Variants in BCAR1 observed in about 807,000 individuals in gnomAD.
BCAR1 encodes breast cancer anti-estrogen resistance protein 1.
A neutral mutation model predicts 67.6 loss-of-function variants in BCAR1; 30 were observed. The observed-to-expected ratio is 0.44, with a 90% CI of 0.33 to 0.60. BCAR1 has a LOEUF of 0.60. BCAR1 is among the 20% of genes least tolerant of loss of function. The pLI is 0.02. For missense variants in BCAR1, 1,313 were observed against 1,222.3 expected (o/e 1.07, Z -1.11); for synonymous variants, 626 against 556.7 (o/e 1.12, Z -1.75).
chr16:75,239,822 G>T (rs1198986716), intron 2 of BCAR1, among the ~76,000 whole-genome samples: 1 of 152,186 alleles, frequency 6.6e-6, no homozygotes, highest in East Asian at 1.9e-4. Context: ...CCCAGCACAG[G>T]GGAGCCTGGG....
At chr16:75,259,767 G>A (rs942374072) in intron 1 of BCAR1, among the ~76,000 whole-genome samples, 95 of 145,792 alleles carry the variant, frequency 6.5e-4, no homozygotes, top group Non-Finnish European at 9.8e-4. Context: ...CAGGAGAATC[G>A]CTTGAACCTA....
Position 75,235,677 on chromosome 16 carries a change from C to A in BCAR1, c.1222G>T (p.Gly408Cys), listed in dbSNP as rs748959110. The A allele has an allele frequency of 6.2e-7, 1 of 1,611,786 alleles. No homozygotes were observed. The highest frequency in any genetic ancestry group is 8.5e-7 in the Non-Finnish European group (1 of 1,178,966). The change falls in exon 5 of 7, where the codon GGT (glycine) becomes TGT (cysteine). Residue 408 changes from glycine to cysteine, a missense_variant. By Grantham distance (159) the Gly-to-Cys change is radical. Transcript: ENST00000162330. ...GCTGGGGGAGGCACCGCATACACACCACTGTCGACCACGCCACCATCAGCC... is the reference window on the plus strand; with the variant it reads ...GCTGGGGGAGGCACCGCATACACACAACTGTCGACCACGCCACCATCAGCC... ...EVADGGVVDS[G>C]VYAVPPPAER... is the part of the protein sequence containing the mutation.
At position 75,229,641 on chromosome 16, in the gene BCAR1, G is replaced by A. The variant is rs148609253; in HGVS notation, c.2483C>T (p.Ala828Val). Residue 828 changes from alanine (A) to valine (V), a missense_variant, in exon 7 of 7, where the codon GCC becomes GTC. Physicochemically the swap from Ala to Val is moderately conservative, Grantham distance 64. This residue lies in a region of BCAR1 where 1,272 missense variants were observed against 1,137.5 expected (regional missense o/e 1.12). Coordinates refer to ENST00000162330, the MANE Select transcript of BCAR1 (RefSeq NM_014567.5). ...LLCDLLRGIV[A>V]TTKAAALQYP... Reference sequence around the variant, plus strand: ...CTGCAAGGCAGCGGCCTTGGTGGTGGCCACGATGCCGCGCAGGAGGTCGCA... The same window carrying A: ...CTGCAAGGCAGCGGCCTTGGTGGTGACCACGATGCCGCGCAGGAGGTCGCA... The A allele has an allele frequency of 2.5e-6, 4 of 1,612,544 alleles. No individual in the cohort carries two copies. Among genetic ancestry groups the A allele is most frequent in the South Asian group, 2.2e-5 (2 of 91,056 alleles).
At chr16:75,240,920 G>T (rs181775956) in intron 2 of BCAR1, among the ~76,000 whole-genome samples, 2 of 152,228 alleles carry the variant, frequency 1.3e-5, no homozygotes, top group African/African-American at 4.8e-5. Flanking sequence ...ACACAGCCTC[G>T]AGGCCGGGCT....
chr16:75,257,796 G>A (rs2077814629), intron 1 of BCAR1, among the ~76,000 whole-genome samples: 2 of 152,180 alleles, frequency 1.3e-5, no homozygotes, highest in Non-Finnish European at 1.5e-5. Flanking sequence ...ACAGCATCGT[G>A]GGGCTAGGCT....
chr16:75,236,555 C>T (rs2077142627), intron 4 of BCAR1: 8 of 440,476 alleles, frequency 1.8e-5, no homozygotes, highest in Admixed American at 4.0e-5. Context: ...GCTGGTTTGT[C>T]CCTGATGCCC....
In BCAR1 at chr16:75,242,483, T is replaced by G. The variant is rs377329349; in HGVS notation, c.620A>C (p.Lys207Thr). 1 of 1,455,038 alleles carries G rather than the reference T, an allele frequency of 6.9e-7. No individual in the cohort carries two copies. The highest frequency in any genetic ancestry group is 1.4e-5 in the African/African-American group (1 of 69,448). The allele number at this position is 1,455,038 out of a possible 1,614,324, so 90.1% of individuals were successfully genotyped here. A position where few individuals can be genotyped will look rare whatever the true frequency, so the allele number is the denominator to read the frequency against. ...GGACAGCCTTACCTTTGCCGGGGGC[T>G]TCGTGCCCTCCCAGCTGCGTGTGTC... is the stretch of plus-strand genomic sequence containing the variant. ...SMDTRSWEGT[K>T]PPAKVVVPTR... Residue 207 changes from lysine to threonine, a missense_variant, in exon 2 of 7, where the codon AAG becomes ACG. This residue lies in a region of BCAR1 where 1,272 missense variants were observed against 1,137.5 expected (regional missense o/e 1.12). Transcript: ENST00000162330.
Position 75,235,367 on chromosome 16 carries a change from A to T in BCAR1, c.1532T>A (p.Val511Asp), listed in dbSNP as rs2077073889. Residue 511 changes from valine to aspartate, a missense_variant, in exon 5 of 7, where the codon GTC becomes GAC. Val to Asp is a radical substitution (Grantham distance 152). Transcript: ENST00000162330. Reference protein sequence around the residue: ...VQDLQAAVAAVQSAVHELLEF... With the variant: ...VQDLQAAVAADQSAVHELLEF... Reference sequence around the variant, plus strand: ...CAACAGCTCGTGGACGGCACTCTGGACAGCGGCCACAGCAGCCTGCAGGTC... The same window carrying T: ...CAACAGCTCGTGGACGGCACTCTGGTCAGCGGCCACAGCAGCCTGCAGGTC... The T allele has an allele frequency of 6.2e-7, 1 of 1,601,248 alleles. No individual in the cohort carries two copies. Among genetic ancestry groups the T allele is most frequent in the African/African-American group, 1.3e-5 (1 of 74,760 alleles).
At chr16:75,231,031 T>G (rs554169487) in intron 6 of BCAR1, among the ~76,000 whole-genome samples, 11 of 128,750 alleles carry the variant, frequency 8.5e-5, no homozygotes, top group Middle Eastern at 3.7e-3. Flanking sequence ...CTTTGTGGGG[T>G]TTTTTTTTTT....
chr16:75,263,470 G>A, intron 1 of BCAR1: 1 of 985,402 alleles, frequency 1.0e-6, no homozygotes, highest in Non-Finnish European at 1.2e-6. Context: ...CTGGAGCAGA[G>A]GAAGGGGCAC....
rs759267759 is a variant in BCAR1, at chr16:75,235,138, G to A, written c.1761C>T (p.Pro587=). 2.0e-5 allele frequency: 32 copies of A among 1,609,380 alleles called. No individual in the cohort carries two copies. In the East Asian group the frequency reaches 3.6e-4, roughly 18 times the overall value. ...DRLVACSRAV[P]EDAKQLASFL... Reference sequence around the variant, plus strand: ...AGGAGGCCAGCTGCTTGGCGTCCTCGGGCACAGCCCGCGAGCAGGCCACCA... The same window carrying A: ...AGGAGGCCAGCTGCTTGGCGTCCTCAGGCACAGCCCGCGAGCAGGCCACCA... Residue 587 remains proline (P), a synonymous_variant, in exon 5 of 7, where the codon CCC becomes CCT. Transcript: ENST00000162330.
intron 3 of BCAR1, 61 bp from the exon 4 acceptor site, chr16:75,237,059 G>A (rs2077165935): frequency 3.9e-6 from 6 of 1,537,890 alleles, no homozygotes; most frequent in African/African-American, 2.7e-5. Context: ...TAGGAAAGGT[G>A]GGAACCCCGC....
rs1170527160 is a variant in BCAR1 at position 75,251,457 on chromosome 16, C to G, written c.12+14G>C. 2 of 1,455,622 alleles carry G rather than the reference C, an allele frequency of 1.4e-6. No homozygotes were observed. The highest frequency in any genetic ancestry group is 6.1e-5 in the East Asian group (2 of 32,672). 90.2% of individuals were successfully genotyped at this position (1,455,622 alleles called of 1,614,324 possible). A position where few individuals can be genotyped will look rare whatever the true frequency, so the allele number is the denominator to read the frequency against. ...CAAGCCCGTACGCGGCCCGGCCCCA[C>G]CTGGCGCCCTCACCAGGTGGTTCAT... On this transcript the variant is annotated intron_variant, in intron 1 of 6. Transcript: ENST00000162330.
At chr16:75,241,071 T>C (rs572556503) in intron 2 of BCAR1, among the ~76,000 whole-genome samples, 1 of 152,268 alleles carries the variant, frequency 6.6e-6, no homozygotes, top group East Asian at 1.9e-4. Context: ...TGTGTGCGTG[T>C]GCATACGCAC....
chr16:75,265,490 G>C (rs1054370651), intron 1 of BCAR1, among the ~76,000 whole-genome samples: 2 of 152,114 alleles, frequency 1.3e-5, no homozygotes, highest in African/African-American at 4.8e-5. Context: ...GTCCTGGCGG[G>C]CAACAGACTC....
chr16:75,242,227 C>T (rs1178797458), intron 2 of BCAR1, among the ~76,000 whole-genome samples: 1 of 152,258 alleles, frequency 6.6e-6, no homozygotes, highest in Non-Finnish European at 1.5e-5. Flanking sequence ...TGGTTGGTGA[C>T]ACCACCACTC....
upstream of BCAR1, among the ~76,000 whole-genome samples, chr16:75,255,748 T>C (rs192454209): frequency 1.9e-3 from 288 of 151,296 alleles, 2 homozygotes; most frequent in African/African-American, 6.4e-3. Context: ...TCCCAGCACT[T>C]TGGGAGGCCA....
rs2077328065 is a variant in BCAR1 at position 75,241,218 on chromosome 16, G to A, written c.633+1252C>T. 3.9e-5 allele frequency among the ~76,000 whole-genome samples: 6 copies of A among 152,222 alleles called. No homozygotes were observed. In the South Asian group the frequency reaches 1.2e-3, roughly 31 times the overall value. On this transcript the variant is annotated intron_variant, in intron 2 of 6. Transcript: ENST00000162330. ...TGGGTGTGTGCGTGTTCATGCATAT[G>A]ATGTGCGCATGTGTGGGCGTATACG...
At chr16:75,257,193 C>T (rs1301873452) in intron 1 of BCAR1, among the ~76,000 whole-genome samples, 1 of 152,172 alleles carries the variant, frequency 6.6e-6, no homozygotes, top group Non-Finnish European at 1.5e-5. Context: ...CCCAACCCAG[C>T]CCAGCCATCT....
Sources: gnomAD v4.1 joint callset for allele counts (sites outside exome capture counted in the v4.1 genomes callset) on GRCh38, gnomAD v4.1.1 for gene constraint, gnomAD v4.1.1 regional missense constraint, MANE v1.5 for transcripts, NCBI Gene and HGNC (gene_info 2026-07-23, HGNC 2026-07-21) for gene names.